KLHL2: variants seen among roughly 807,000 people sequenced by gnomAD.
The protein encoded by KLHL2 is kelch-like protein 2.
In KLHL2, 15 loss-of-function variants were observed where a neutral mutation model predicts 75.8. The observed-to-expected ratio is 0.20, with a 90% CI of 0.13 to 0.30. The LOEUF (loss-of-function observed/expected upper bound fraction) is 0.30, where lower values mean the gene tolerates loss of function less well. KLHL2 is among the 10% of genes least tolerant of loss of function. The probability of loss-of-function intolerance (pLI) is 1.00; values close to 1 mark genes in which losing one functional copy is unlikely to be tolerated. For synonymous variants in KLHL2, 214 were observed against 251.9 expected (o/e 0.85, Z 1.42); for missense variants, 381 against 741.0 (o/e 0.51, Z 5.64).
chr4:165,266,892 T>C (rs550813308), intron 5 of KLHL2, among the ~76,000 whole-genome samples: 21 of 152,268 alleles, frequency 1.4e-4, no homozygotes, highest in Admixed American at 1.3e-4. Context: ...TAGCATTGAA[T>C]CTATAAATTA....
chr4:165,298,433 T>A (rs1745081845), intron 7 of KLHL2, among the ~76,000 whole-genome samples: 1 of 152,214 alleles, frequency 6.6e-6, no homozygotes. Context: ...TTGAAATAAA[T>A]GTGAAAAATG....
intron 5 of KLHL2, 98 bp from the exon 6 acceptor site, chr4:165,294,261 T>C: frequency 1.4e-6 from 1 of 690,080 alleles, no homozygotes; most frequent in Non-Finnish European, 2.5e-6. Flanking sequence ...TTCTCATTCT[T>C]AAGTTAGATT....
At chr4:165,233,315 G>T (rs1386835656) in intron 3 of KLHL2, among the ~76,000 whole-genome samples, 1 of 152,202 alleles carries the variant, frequency 6.6e-6, no homozygotes, top group African/African-American at 2.4e-5. Context: ...CGTGTTTTTA[G>T]ATTACTTCTT....
intron 5 of KLHL2, among the ~76,000 whole-genome samples, chr4:165,264,730 ATATATATATG>A (rs1176506677): frequency 0.014 from 1,086 of 75,740 alleles, 24 homozygotes; most frequent in African/African-American, 0.015. Flanking sequence ...ACATATATAT[ATATATATATG>A]TATATATATA....
chr4:165,223,020 A>G (rs1219061517), intron 2 of KLHL2, among the ~76,000 whole-genome samples: 8 of 152,262 alleles, frequency 5.3e-5, no homozygotes, highest in Non-Finnish European at 7.3e-5. Context: ...GGTTTAAGTT[A>G]CAGAATTAAA....
At chr4:165,290,608 G>A (rs76240101) in intron 5 of KLHL2, among the ~76,000 whole-genome samples, 1,703 of 152,198 alleles carry the variant, frequency 0.011, 25 homozygotes, top group African/African-American at 0.036. Context: ...GGTAAAGTCA[G>A]GAATTAGCGG....
At chr4:165,316,617 C>T (rs1579193862) in intron 13 of KLHL2, among the ~76,000 whole-genome samples, 2 of 147,036 alleles carry the variant, frequency 1.4e-5, no homozygotes, top group Admixed American at 1.3e-4. Context: ...AAGCATTTAC[C>T]ATTAGACTCA....
At chr4:165,321,833 A>T (rs908456591) in intron 14 of KLHL2, among the ~76,000 whole-genome samples, 199 bp from the exon 15 acceptor site, 1 of 150,450 alleles carries the variant, frequency 6.6e-6, no homozygotes, top group African/African-American at 2.5e-5. Context: ...TCTTATATTT[A>T]ACTAGCCCAT....
At chr4:165,244,057 CT>C (rs35091242) in intron 4 of KLHL2, among the ~76,000 whole-genome samples, 3 of 151,110 alleles carry the variant, frequency 2.0e-5, no homozygotes, top group East Asian at 3.9e-4. Flanking sequence ...AATTTCCAGG[CT>C]TTTTTTTTAA....
intron 9 of KLHL2, among the ~76,000 whole-genome samples, chr4:165,310,092 GT>G (rs34604948): frequency 6.6e-6 from 1 of 152,096 alleles, no homozygotes; most frequent in Non-Finnish European, 1.5e-5. Flanking sequence ...AATCCCAGCA[GT>G]TTGGGAGGCC....
At chr4:165,279,691 TG>T (rs769305792) in intron 5 of KLHL2, 1 of 1,526,124 alleles carries the variant, frequency 6.6e-7, no homozygotes, top group African/African-American at 1.4e-5. Context: ...GTTTCCTGGG[TG>T]ACGGCGGCGG....
intron 5 of KLHL2, among the ~76,000 whole-genome samples, chr4:165,272,276 A>C (rs1394826296): frequency 6.6e-6 from 1 of 152,230 alleles, no homozygotes; most frequent in Non-Finnish European, 1.5e-5. Context: ...AGTGTGTAGC[A>C]CTATTCATGC....
At chr4:165,258,311 G>A (rs1741351653) in intron 4 of KLHL2, among the ~76,000 whole-genome samples, 1 of 150,962 alleles carries the variant, frequency 6.6e-6, no homozygotes, top group Admixed American at 6.6e-5. Flanking sequence ...ACAAAATTTA[G>A]GGCAGAATTT....
chr4:165,219,721 A>G, intron 1 of KLHL2: 1 of 1,289,520 alleles, frequency 7.8e-7, no homozygotes, highest in Non-Finnish European at 9.8e-7. Flanking sequence ...GACACCAGGG[A>G]GGTAATTACC....
intron 2 of KLHL2, among the ~76,000 whole-genome samples, chr4:165,223,723 G>A (rs17488289): frequency 0.2 from 30,774 of 152,028 alleles, 3,785 homozygotes; most frequent in Non-Finnish European, 0.29. Context: ...TGGCTTTTAG[G>A]TCAGCAGTGC....
chr4:165,277,199 TG>T (rs1373111810), intron 5 of KLHL2, among the ~76,000 whole-genome samples: 1 of 152,092 alleles, frequency 6.6e-6, no homozygotes, highest in Admixed American at 6.6e-5. Context: ...AATTTATAAA[TG>T]GGCTACCCTC....
intron 4 of KLHL2, among the ~76,000 whole-genome samples, chr4:165,262,134 T>C (rs1035039307): frequency 3.3e-5 from 5 of 152,214 alleles, no homozygotes; most frequent in Non-Finnish European, 7.3e-5. Flanking sequence ...TATTGACTTA[T>C]TTGAAAAGCA....
intron 13 of KLHL2, among the ~76,000 whole-genome samples, chr4:165,316,482 T>G (rs1746598293): frequency 6.6e-6 from 1 of 152,170 alleles, no homozygotes; most frequent in African/African-American, 2.4e-5. Flanking sequence ...CTACAAAGTT[T>G]TGTAGATTTG....
intron 1 of KLHL2, among the ~76,000 whole-genome samples, chr4:165,219,249 G>T (rs1479971575): frequency 9.2e-5 from 14 of 152,202 alleles, no homozygotes; most frequent in Non-Finnish European, 1.8e-4. Flanking sequence ...AATCAGACTG[G>T]CCATACTCTT....
Sources: gnomAD v4.1 joint callset for allele counts (sites outside exome capture counted in the v4.1 genomes callset) on GRCh38, gnomAD v4.1.1 for gene constraint, MANE v1.5 for transcripts, NCBI Gene and HGNC (gene_info 2026-07-23, HGNC 2026-07-21) for gene names.